DLC1: variants seen among roughly 807,000 people sequenced by gnomAD.
DLC1 encodes the protein rho GTPase-activating protein 7.
A neutral mutation model predicts 140.3 loss-of-function variants in DLC1; 54 were observed. That is an observed-to-expected ratio of 0.38 (90% CI 0.31 to 0.48). The LOEUF is 0.48. DLC1 is among the 20% of genes least tolerant of loss of function. DLC1 has a pLI of 0.96. For synonymous variants in DLC1, 986 were observed against 728.1 expected, an observed-to-expected ratio of 1.35 and a Z score of -5.70; for missense variants, 2,536 against 1,907.0, an observed-to-expected ratio of 1.33 and a Z score of -6.14.
intron 5 of DLC1, among the ~76,000 whole-genome samples, chr8:13,210,759 G>A (rs1827897686): frequency 6.6e-6 from 1 of 152,124 alleles, no homozygotes; most frequent in Non-Finnish European, 1.5e-5. Context: ...TACATACTTT[G>A]ACATCTTTTG....
At chr8:13,384,219 TC>T (rs1434264697) in intron 4 of DLC1, among the ~76,000 whole-genome samples, 1 of 152,204 alleles carries the variant, frequency 6.6e-6, no homozygotes, top group Non-Finnish European at 1.5e-5. Flanking sequence ...ACTTTCCTGT[TC>T]TTGCAAGGCC....
intron 5 of DLC1, among the ~76,000 whole-genome samples, chr8:13,152,258 T>A (rs1823877503): frequency 6.6e-6 from 1 of 152,236 alleles, no homozygotes; most frequent in African/African-American, 2.4e-5. Context: ...GAAGTTACCA[T>A]CTAGTCATTG....
At chr8:13,133,071 C>T in intron 5 of DLC1, 2 of 1,545,346 alleles carry the variant, frequency 1.3e-6, no homozygotes, top group Non-Finnish European at 1.7e-6. Context: ...CGGCGGCACC[C>T]GAGACGCGCG....
At chr8:13,283,279 A>G (rs1372211569) in intron 5 of DLC1, among the ~76,000 whole-genome samples, 1 of 151,302 alleles carries the variant, frequency 6.6e-6, no homozygotes, top group East Asian at 1.9e-4. Context: ...CTGTGTACCA[A>G]GGGATCCTAC....
chr8:13,589,769 A>T (rs928810785), intron 1 of DLC1, among the ~76,000 whole-genome samples: 1 of 151,424 alleles, frequency 6.6e-6, no homozygotes, highest in Non-Finnish European at 1.5e-5. Context: ...GATTGTGTAA[A>T]TTTTTTTAAT....
chr8:13,093,024 T>C (rs1315143519), intron 12 of DLC1, among the ~76,000 whole-genome samples, 199 bp from the exon 13 acceptor site: 6 of 152,142 alleles, frequency 3.9e-5, no homozygotes, highest in Non-Finnish European at 7.3e-5. Flanking sequence ...TCCTGCCTCA[T>C]GAAGGAGTGA....
In DLC1 at chr8:13,595,431, G is replaced by C. The variant is rs898458159; in HGVS notation, c.-126+9106C>G. 4.6e-5 allele frequency among the ~76,000 whole-genome samples: 7 copies of C among 152,098 alleles called. No homozygotes were observed. The South Asian group carries it at 1.2e-3, about 27-fold the overall frequency. On this transcript the variant is annotated intron_variant, in intron 1 of 1. Coordinates refer to the DLC1 transcript ENST00000631382. ...ATTGTATATCTTTTAGTATTTAAAA[G>C]TGATTTTGTGTTCAGAATTTTGAAT...
At chr8:13,255,925 A>G (rs1026039160) in intron 5 of DLC1, among the ~76,000 whole-genome samples, 4 of 152,214 alleles carry the variant, frequency 2.6e-5, no homozygotes, top group African/African-American at 9.6e-5. Context: ...CAGGGCCTGT[A>G]TGCTATATCA....
At chr8:13,450,289 T>C (rs1337348916) in intron 2 of DLC1, among the ~76,000 whole-genome samples, 1 of 151,648 alleles carries the variant, frequency 6.6e-6, no homozygotes, top group Non-Finnish European at 1.5e-5. Context: ...ACGCTGTCTC[T>C]ACTAAAAATA....
At chr8:13,375,932 A>G (rs1380936880) in intron 4 of DLC1, among the ~76,000 whole-genome samples, 1 of 152,166 alleles carries the variant, frequency 6.6e-6, no homozygotes. Flanking sequence ...ACAAAATATC[A>G]AGGAATAAGG....
intron 5 of DLC1, among the ~76,000 whole-genome samples, chr8:13,255,372 C>G (rs1205438078): frequency 1.3e-5 from 2 of 152,066 alleles, no homozygotes; most frequent in Non-Finnish European, 2.9e-5. Context: ...GTATAAAAGC[C>G]TATAGCAGTG....
At chr8:13,200,327 G>T (rs1827311819) in intron 5 of DLC1, among the ~76,000 whole-genome samples, 1 of 152,000 alleles carries the variant, frequency 6.6e-6, no homozygotes, top group African/African-American at 2.4e-5. Flanking sequence ...CTCCCAAAGT[G>T]CTGGGATTAC....
Position 13,103,033 on chromosome 8 carries a change from G to A in DLC1, c.1503-180C>T, listed in dbSNP as rs536341742. On this transcript the variant is annotated intron_variant, in intron 7 of 17. Transcript: ENST00000276297. Reference sequence around the variant, plus strand: ...TGAGTCATTTAAAAATACCTTGGCCGGGCGTGGTGGCTCACGCCTGTAATC... The same window carrying A: ...TGAGTCATTTAAAAATACCTTGGCCAGGCGTGGTGGCTCACGCCTGTAATC... Among the ~76,000 whole-genome samples the A allele has an allele frequency of 9.2e-5, 14 of 152,254 alleles. No homozygotes were observed. In the South Asian group the frequency reaches 1.5e-3, roughly 16 times the overall value.
chr8:13,276,118 C>T, intron 5 of DLC1: 2 of 1,237,774 alleles, frequency 1.6e-6, no homozygotes, highest in Non-Finnish European at 2.2e-6. Flanking sequence ...AAAGGGAGAC[C>T]GAACACACTG....
intron 1 of DLC1, among the ~76,000 whole-genome samples, chr8:13,591,113 G>C: frequency 6.6e-6 from 1 of 152,096 alleles, no homozygotes; most frequent in Non-Finnish European, 1.5e-5. Flanking sequence ...GTCATCGTGA[G>C]GAGGTGAATT....
At chr8:13,156,903 AG>A (rs1205387442) in intron 5 of DLC1, among the ~76,000 whole-genome samples, 1 of 152,230 alleles carries the variant, frequency 6.6e-6, no homozygotes, top group Non-Finnish European at 1.5e-5. Flanking sequence ...TAGGCAGAAT[AG>A]CCACTGTCTA....
At chr8:13,093,628 T>C (rs552632131) in intron 12 of DLC1, among the ~76,000 whole-genome samples, 10 of 152,320 alleles carry the variant, frequency 6.6e-5, no homozygotes, top group East Asian at 1.9e-4. Context: ...TGTAGCTCCA[T>C]AGGACAAACT....
At chr8:13,399,125 T>G (rs1313873745) in intron 3 of DLC1, among the ~76,000 whole-genome samples, 1 of 152,126 alleles carries the variant, frequency 6.6e-6, no homozygotes, top group East Asian at 1.9e-4. Flanking sequence ...CAGTGAAATA[T>G]CCCAAGAGAC....
intron 5 of DLC1, among the ~76,000 whole-genome samples, chr8:13,303,651 A>G (rs957883874): frequency 6.6e-6 from 1 of 152,036 alleles, no homozygotes; most frequent in Non-Finnish European, 1.5e-5. Flanking sequence ...AAAATACGAA[A>G]GTTAGCCTGG....
Sources: gnomAD v4.1 joint callset for allele counts (sites outside exome capture counted in the v4.1 genomes callset) on GRCh38, gnomAD v4.1.1 for gene constraint, MANE v1.5 for transcripts, NCBI Gene and HGNC (gene_info 2026-07-23, HGNC 2026-07-21) for gene names.